The following CTNNA3 variants were observed in gnomAD, a reference collection of about 807,000 sequenced individuals.
CTNNA3 encodes the protein catenin alpha 3, also known as catenin alpha-3.
CTNNA3 carries 76 observed loss-of-function variants against 95.7 expected under a neutral mutation model. That is an observed-to-expected ratio of 0.79 (90% CI 0.66 to 0.96). CTNNA3 has a LOEUF of 0.96. CTNNA3 is among the 40% of genes least tolerant of loss of function. CTNNA3 has a pLI of 0.00. For missense variants in CTNNA3, 1,191 were observed against 1,089.8 expected (o/e 1.09, Z -1.31); for synonymous variants, 431 against 374.4 (o/e 1.15, Z -1.74).
At chr10:67,109,715 C>A (rs568550965) in intron 7 of CTNNA3, among the ~76,000 whole-genome samples, 4 of 152,192 alleles carry the variant, frequency 2.6e-5, no homozygotes, top group African/African-American at 9.6e-5. Context: ...CAGTGGCCTG[C>A]GCCTCTAGTC....
chr10:66,085,823 G>T (rs989663532), intron 14 of CTNNA3, among the ~76,000 whole-genome samples: 3 of 151,796 alleles, frequency 2.0e-5, no homozygotes, highest in Admixed American at 2.0e-4. Flanking sequence ...CCTTCTATAT[G>T]CAATGGAAGT....
At chr10:67,726,464 T>A (rs569382247) in intron 1 of CTNNA3, among the ~76,000 whole-genome samples, 671 of 41,260 alleles carry the variant, frequency 0.016, 10 homozygotes, top group African/African-American at 0.03. Context: ...ATATGATATA[T>A]GATATAATAT....
chr10:66,147,782 T>C (rs2083975753), intron 13 of CTNNA3, among the ~76,000 whole-genome samples: 1 of 16,260 alleles, frequency 6.2e-5, no homozygotes, highest in African/African-American at 2.1e-4. Flanking sequence ...ATAGTATGTA[T>C]AGTATGTATG....
chr10:66,243,447 G>C (rs2090184777), intron 13 of CTNNA3, among the ~76,000 whole-genome samples: 1 of 152,012 alleles, frequency 6.6e-6, no homozygotes, highest in Non-Finnish European at 1.5e-5. Context: ...AAGAAATTTG[G>C]TCTCCCAAAC....
intron 12 of CTNNA3, among the ~76,000 whole-genome samples, chr10:66,320,860 G>A (rs546865195): frequency 9.9e-5 from 15 of 152,158 alleles, no homozygotes; most frequent in African/African-American, 3.6e-4. Flanking sequence ...TTAGACTTTT[G>A]TTAAAGTGGC....
intron 9 of CTNNA3, among the ~76,000 whole-genome samples, chr10:66,693,865 G>A (rs1847655686): frequency 6.6e-6 from 1 of 151,814 alleles, no homozygotes; most frequent in East Asian, 1.9e-4. Context: ...ATGACTACTG[G>A]GTACATAACA....
chr10:67,101,902 T>C (rs1279822889), intron 7 of CTNNA3, among the ~76,000 whole-genome samples: 1 of 151,826 alleles, frequency 6.6e-6, no homozygotes, highest in Non-Finnish European at 1.5e-5. Flanking sequence ...ATGTGAATTG[T>C]TGTTATTCAA....
At chr10:67,338,096 T>C (rs564801143) in intron 5 of CTNNA3, among the ~76,000 whole-genome samples, 12 of 152,324 alleles carry the variant, frequency 7.9e-5, no homozygotes, top group African/African-American at 2.9e-4. Flanking sequence ...TGTGTTAGGC[T>C]ATTCTTGTAC....
intron 13 of CTNNA3, among the ~76,000 whole-genome samples, chr10:66,200,719 A>T (rs904764282): frequency 2.4e-4 from 37 of 152,328 alleles, no homozygotes; most frequent in African/African-American, 8.4e-4. Flanking sequence ...CATATGAATC[A>T]CATCCCTGTG....
At position 65,916,636 on chromosome 10, in the gene CTNNA3, G is replaced by A. The variant is rs2077011071; in HGVS notation, c.*3694C>T. On this transcript the variant is annotated 3_prime_UTR_variant, in exon 18 of 18. Coordinates refer to ENST00000433211, the MANE Select transcript of CTNNA3 (RefSeq NM_013266.4). ...GCTGGAAATTAAAATTCATAATTTTGACTAAAACTCTGTAAAATTTATTAG... is the reference window on the plus strand; with the variant it reads ...GCTGGAAATTAAAATTCATAATTTTAACTAAAACTCTGTAAAATTTATTAG... 6.6e-6 allele frequency: 1 copy of A among 152,122 alleles called. No individual in the cohort carries two copies. The highest frequency in any genetic ancestry group is 1.5e-5 in the Non-Finnish European group (1 of 68,018). The allele number at this position is 152,122 out of a possible 1,614,324, so 9.4% of individuals were successfully genotyped here.
intron 5 of CTNNA3, among the ~76,000 whole-genome samples, chr10:67,401,866 G>C (rs1844936568): frequency 6.6e-6 from 1 of 152,124 alleles, no homozygotes; most frequent in Non-Finnish European, 1.5e-5. Context: ...GCAAAACCAA[G>C]AGTAAGAATT....
chr10:67,187,642 G>A (rs1234415423), intron 6 of CTNNA3, among the ~76,000 whole-genome samples: 1 of 151,930 alleles, frequency 6.6e-6, no homozygotes, highest in Non-Finnish European at 1.5e-5. Context: ...GCTGAGTGCA[G>A]TTGTGCAATG....
At chr10:67,075,560 T>C (rs1187295590) in intron 7 of CTNNA3, among the ~76,000 whole-genome samples, 5 of 152,184 alleles carry the variant, frequency 3.3e-5, no homozygotes. Flanking sequence ...CTGCCAATGT[T>C]TAACATTTTC....
At chr10:67,307,174 A>G (rs1220499206) in intron 5 of CTNNA3, among the ~76,000 whole-genome samples, 1 of 152,142 alleles carries the variant, frequency 6.6e-6, no homozygotes, top group African/African-American at 2.4e-5. Flanking sequence ...GAAAGTATGG[A>G]AAAAAATATC....
intron 13 of CTNNA3, among the ~76,000 whole-genome samples, chr10:66,271,595 T>A (rs1490486334): frequency 6.6e-6 from 1 of 152,180 alleles, no homozygotes; most frequent in Non-Finnish European, 1.5e-5. Context: ...ATATTACCCT[T>A]CCATTCACAA....
intron 7 of CTNNA3, among the ~76,000 whole-genome samples, chr10:66,974,387 T>C (rs1168110104): frequency 6.6e-6 from 1 of 152,244 alleles, no homozygotes; most frequent in Non-Finnish European, 1.5e-5. Flanking sequence ...CAGCACACTT[T>C]ACGCATTCAC....
intron 5 of CTNNA3, among the ~76,000 whole-genome samples, chr10:67,411,941 G>A (rs1845382355): frequency 6.6e-6 from 1 of 151,896 alleles, no homozygotes; most frequent in Non-Finnish European, 1.5e-5. Context: ...TAACTTTGGT[G>A]ATAAAAAAAA....
At chr10:67,454,486 C>G (rs1001363998) in intron 5 of CTNNA3, among the ~76,000 whole-genome samples, 3 of 152,028 alleles carry the variant, frequency 2.0e-5, no homozygotes, top group Non-Finnish European at 4.4e-5. Flanking sequence ...ACGTCTATTT[C>G]GAAACATAGG....
chr10:67,696,720 A>G (rs1366080306), upstream of CTNNA3, among the ~76,000 whole-genome samples: 2 of 152,340 alleles, frequency 1.3e-5, no homozygotes, highest in African/African-American at 4.8e-5. Flanking sequence ...CACCAAAAAA[A>G]AAAGTCTTCT....
Sources: allele counts gnomAD v4.1 joint callset (sites outside exome capture counted in the v4.1 genomes callset), GRCh38; gene constraint gnomAD v4.1.1; transcripts MANE v1.5; gene names NCBI Gene and HGNC (gene_info 2026-07-23, HGNC 2026-07-21).